Variants in C8orf34 observed in about 807,000 individuals in gnomAD.
C8orf34 encodes uncharacterized protein C8orf34.
C8orf34 carries 65 observed loss-of-function variants against 68.3 expected under a neutral mutation model. That is an observed-to-expected ratio of 0.95 (90% CI 0.78 to 1.17). The LOEUF (loss-of-function observed/expected upper bound fraction) is 1.17, where lower values mean the gene tolerates loss of function less well. C8orf34 is among the 50% of genes most tolerant of loss of function. The pLI is 0.00. For missense variants in C8orf34, 664 were observed against 655.4 expected (o/e 1.01, Z -0.14); for synonymous variants, 244 against 241.2 (o/e 1.01, Z -0.11).
intron 8 of C8orf34, 49 bp from the exon 9 acceptor site, chr8:68,708,945 C>A: frequency 7.2e-7 from 1 of 1,384,234 alleles, no homozygotes; most frequent in Non-Finnish European, 1.0e-6. Flanking sequence ...GTTCACATTT[C>A]ACAATTTAAC....
At chr8:68,518,641 T>C (rs1037108527) in intron 5 of C8orf34, among the ~76,000 whole-genome samples, 2 of 152,158 alleles carry the variant, frequency 1.3e-5, no homozygotes, top group Non-Finnish European at 2.9e-5. Context: ...TTCATGAATG[T>C]AATCCCAGCA....
intron 12 of C8orf34, among the ~76,000 whole-genome samples, chr8:68,806,071 G>C (rs1824472471): frequency 6.6e-6 from 1 of 151,870 alleles, no homozygotes; most frequent in South Asian, 2.1e-4. Flanking sequence ...CATGTCAATT[G>C]GTCCTTTTAT....
At chr8:68,718,816 C>T (rs983314520) in intron 9 of C8orf34, among the ~76,000 whole-genome samples, 4 of 152,140 alleles carry the variant, frequency 2.6e-5, no homozygotes, top group African/African-American at 4.8e-5. Flanking sequence ...ACCACACAGG[C>T]TGAATTTCTA....
intron 8 of C8orf34, among the ~76,000 whole-genome samples, chr8:68,682,824 A>G (rs1189950276): frequency 2.6e-5 from 4 of 152,204 alleles, no homozygotes; most frequent in Non-Finnish European, 5.9e-5. Flanking sequence ...GAATTTTACA[A>G]TAACTTTATT....
intron 10 of C8orf34, among the ~76,000 whole-genome samples, chr8:68,734,738 A>T (rs915338074): frequency 6.6e-6 from 1 of 152,074 alleles, no homozygotes; most frequent in Non-Finnish European, 1.5e-5. Context: ...GGTCACACTC[A>T]TCATGTTAAC....
chr8:68,794,503 A>ATTTTTTTTTT (rs1282291648), intron 12 of C8orf34, among the ~76,000 whole-genome samples: 1 of 78,442 alleles, frequency 1.3e-5, no homozygotes, highest in Non-Finnish European at 2.2e-5. Context: ...ATATATATAT[A>ATTTTTTTTTT]TATTTTTTTT....
chr8:68,748,792 C>G (rs1445095484), intron 10 of C8orf34, among the ~76,000 whole-genome samples: 2 of 152,176 alleles, frequency 1.3e-5, no homozygotes, highest in Non-Finnish European at 2.9e-5. Flanking sequence ...GTTGGTGGGA[C>G]TGTAAACTAG....
intron 2 of C8orf34, among the ~76,000 whole-genome samples, chr8:68,444,500 T>C (rs1811041346): frequency 6.6e-6 from 1 of 152,152 alleles, no homozygotes. Flanking sequence ...TCTCTTTTTA[T>C]TCAAACTTCA....
intron 10 of C8orf34, among the ~76,000 whole-genome samples, chr8:68,742,873 C>T (rs773735298): frequency 3.3e-5 from 5 of 152,146 alleles, no homozygotes; most frequent in Non-Finnish European, 7.3e-5. Flanking sequence ...AGGTTAATTA[C>T]CACTTTTTCT....
chr8:68,586,855 C>A (rs1313882016), intron 7 of C8orf34, among the ~76,000 whole-genome samples: 1 of 152,008 alleles, frequency 6.6e-6, no homozygotes, highest in African/African-American at 2.4e-5. Context: ...GCCCAAGGAC[C>A]AAATTAAGTT....
chr8:68,413,828 T>C (rs1049663665), intron 1 of C8orf34, among the ~76,000 whole-genome samples: 4 of 152,178 alleles, frequency 2.6e-5, no homozygotes, highest in Admixed American at 2.0e-4. Flanking sequence ...TGGACACATC[T>C]TTAAAAGGGC....
At chr8:68,778,342 T>A (rs1332527984) in intron 11 of C8orf34, among the ~76,000 whole-genome samples, 1 of 152,156 alleles carries the variant, frequency 6.6e-6, no homozygotes, top group Non-Finnish European at 1.5e-5. Flanking sequence ...TAGTACACAA[T>A]AAAACTCAAA....
Position 68,331,214 on chromosome 8 carries a change from G to A in C8orf34, c.202G>A (p.Gly68Arg). Residue 68 changes from glycine to arginine, a missense_variant, in exon 1 of 14, where the codon GGA (glycine) becomes AGA (arginine). By Grantham distance (125) the Gly-to-Arg change is moderately radical. Coordinates refer to ENST00000518698, the MANE Select transcript of C8orf34 (RefSeq NM_052958.4). ...SPGKRRVVPS[G>R]GAQPRVLPAL... Reference sequence around the variant, plus strand: ...GGGTAAAAGGAGGGTTGTCCCCAGCGGAGGCGCACAGCCGCGCGTTCTCCC... The same window carrying A: ...GGGTAAAAGGAGGGTTGTCCCCAGCAGAGGCGCACAGCCGCGCGTTCTCCC... 1 of 1,535,552 alleles carries A rather than the reference G, an allele frequency of 6.5e-7. No homozygotes were observed. Among genetic ancestry groups the A allele is most frequent in the East Asian group, 2.4e-5 (1 of 40,826 alleles).
intron 3 of C8orf34, among the ~76,000 whole-genome samples, chr8:68,456,738 G>T (rs1428490955): frequency 6.6e-6 from 1 of 150,798 alleles, no homozygotes; most frequent in Non-Finnish European, 1.5e-5. Context: ...TAATGTTTTG[G>T]CATTTTCAAA....
intron 7 of C8orf34, among the ~76,000 whole-genome samples, chr8:68,573,171 G>A (rs1816805871): frequency 6.6e-6 from 1 of 152,076 alleles, no homozygotes; most frequent in Admixed American, 6.6e-5. Flanking sequence ...CATACCCTTA[G>A]CTGTGTTATT....
intron 7 of C8orf34, among the ~76,000 whole-genome samples, chr8:68,581,841 T>C (rs1481541323): frequency 6.6e-6 from 1 of 152,064 alleles, no homozygotes; most frequent in African/African-American, 2.4e-5. Flanking sequence ...TGCCAGTACA[T>C]CTCGTTGGCA....
intron 1 of C8orf34, among the ~76,000 whole-genome samples, chr8:68,341,806 A>G (rs1046889605): frequency 6.6e-6 from 1 of 152,216 alleles, no homozygotes; most frequent in African/African-American, 2.4e-5. Context: ...CTTCTTGTAT[A>G]GCCTGCAGAA....
intron 7 of C8orf34, among the ~76,000 whole-genome samples, chr8:68,633,244 A>G (rs559817793): frequency 1.3e-5 from 2 of 152,272 alleles, no homozygotes; most frequent in East Asian, 3.9e-4. Context: ...AATCAATGCA[A>G]TTCTTAGTTT....
intron 1 of C8orf34, among the ~76,000 whole-genome samples, chr8:68,378,844 A>G (rs1220205957): frequency 6.6e-6 from 1 of 152,206 alleles, no homozygotes; most frequent in Non-Finnish European, 1.5e-5. Flanking sequence ...AGAAGGGTTG[A>G]ATGCCTCTAT....
Sources: allele counts gnomAD v4.1 joint callset (sites outside exome capture counted in the v4.1 genomes callset), GRCh38; gene constraint gnomAD v4.1.1; transcripts MANE v1.5; gene names NCBI Gene and HGNC (gene_info 2026-07-23, HGNC 2026-07-21).